Variants in USP9X observed in about 807,000 individuals in gnomAD.
The protein encoded by USP9X is ubiquitin carboxyl-terminal hydrolase 9X.
In USP9X, 7 loss-of-function variants were observed where a neutral mutation model predicts 190.3. The ratio of observed to expected loss-of-function variants is 0.04; its 90% confidence interval spans 0.02 to 0.07. The LOEUF (loss-of-function observed/expected upper bound fraction) is 0.07. Among genes scored for constraint, USP9X ranks in the 10% least tolerant of loss-of-function variants. The pLI is 1.00. For synonymous variants in USP9X, 645 were observed against 659.5 expected (o/e 0.98, Z 0.34); for missense variants, 1,010 against 1,916.9 (o/e 0.53, Z 8.83).
At position 41,184,317 on chromosome X, in the gene USP9X, C is replaced by T. The variant is rs550519497; in HGVS notation, c.3280-80C>T. 1.2e-5 allele frequency: 13 copies of T among 1,082,041 alleles called. No homozygotes were observed. The South Asian group carries it at 1.6e-4, about 13-fold the overall frequency. 89.2% of individuals were successfully genotyped at this position (1,082,041 alleles called of 1,213,427 possible). On this transcript the variant is annotated intron_variant, in intron 22 of 44. Coordinates refer to ENST00000378308, the MANE Select transcript of USP9X (RefSeq NM_001039591.3). ...TGAGATGGTCAAGAGTTTCTTGGCA[C>T]TGACAATAGTACAAATAGAAGTTAT...
chrX:41,210,469 AATGTTAC>A (rs1192357836), intron 32 of USP9X, 33 bp from the exon 33 acceptor site: 15 of 1,180,955 alleles, frequency 1.3e-5, no homozygotes, highest in African/African-American at 5.3e-5. Flanking sequence ...TTGTTCTGTG[AATGTTAC>A]ATGTTACATG....
chrX:41,109,368 T>C (rs73624959), intron 1 of USP9X, among the ~76,000 whole-genome samples: 1,379 of 112,256 alleles, frequency 0.012, 9 homozygotes, highest in African/African-American at 0.033. Flanking sequence ...GAAAAGATGC[T>C]GAAGTTTATA....
At position 41,161,329 on chromosome X, in the gene USP9X, CTTTT is replaced by C. The variant is rs1158519140; in HGVS notation, c.1898-1437_1898-1434del. ...GTAAAGAGTATAAGAGAATTCTTGC[CTTTT>C]TTTTTTTTTTTTTTTTTTTTTTTGG... On this transcript the variant is annotated intron_variant, in intron 14 of 44. Coordinates refer to ENST00000378308, the MANE Select transcript of USP9X (RefSeq NM_001039591.3). Among the ~76,000 whole-genome samples the C allele has an allele frequency of 7.9e-3, 255 of 32,415 alleles. 1 individual carries two copies. The highest frequency in any genetic ancestry group is 0.037 in the African/African-American group (243 of 6,596). The allele number at this position is 32,415 out of a possible 115,157, so 28.1% of individuals were successfully genotyped here.
chrX:41,159,251 A>G (rs969582464), intron 14 of USP9X, among the ~76,000 whole-genome samples: 1 of 112,007 alleles, frequency 8.9e-6, no homozygotes, highest in Non-Finnish European at 1.9e-5. Flanking sequence ...CCACAGTGAG[A>G]TAATGCTACT....
intron 34 of USP9X, among the ~76,000 whole-genome samples, chrX:41,215,681 A>G (rs991820645): frequency 2.7e-5 from 3 of 112,716 alleles, no homozygotes; most frequent in Non-Finnish European, 5.6e-5. Flanking sequence ...CTAGATAACA[A>G]TGACAGAAAC....
At chrX:41,116,141 T>C (rs2062146396) in intron 1 of USP9X, among the ~76,000 whole-genome samples, 1 of 112,163 alleles carries the variant, frequency 8.9e-6, no homozygotes. Context: ...TGTTGTGTGT[T>C]GTAGAGGCAA....
chrX:41,090,752 G>GT (rs1222831275), intron 1 of USP9X, among the ~76,000 whole-genome samples: 1 of 111,540 alleles, frequency 9.0e-6, no homozygotes, highest in Non-Finnish European at 1.9e-5. Context: ...CAGTACTCTT[G>GT]TTTGAGTTTC....
chrX:41,144,408 A>G, intron 10 of USP9X, 114 bp from the exon 11 acceptor site: 2 of 599,680 alleles, frequency 3.3e-6, no homozygotes, highest in Non-Finnish European at 5.5e-6. Context: ...CTTGTGTTAC[A>G]TAGTTAAATG....
At position 41,234,565 on chromosome X, in the gene USP9X, G is replaced by A. The variant is rs1221109162; in HGVS notation, c.*2041G>A. 9.0e-6 allele frequency: 1 copy of A among 111,345 alleles called. No homozygotes were observed. The highest frequency in any genetic ancestry group is 1.9e-5 in the Non-Finnish European group (1 of 52,976). The allele number at this position is 111,345 out of a possible 1,213,427, so 9.2% of individuals were successfully genotyped here. On this transcript the variant is annotated 3_prime_UTR_variant, in exon 45 of 45. Coordinates refer to ENST00000378308, the MANE Select transcript of USP9X (RefSeq NM_001039591.3). The stretch of plus-strand genomic sequence containing the variant: ...ATTTTTGTTTTGTTTTTATTTTTTT[G>A]TTGTTTTCTTCTTTGAGATGGAGTC...
At position 41,134,803 on chromosome X, in the gene USP9X, A is replaced by T; in HGVS notation, c.401A>T (p.Asp134Val). 8.3e-7 allele frequency: 1 copy of T among 1,210,668 alleles called. No homozygotes were observed. The stretch of plus-strand genomic sequence containing the variant: ...ATATCATTCACTAAAATTCTTACAG[A>T]TGAAGCAGTGAGTGGCTGGAAGTTT... Reference protein sequence around the residue: ...LTISFTKILTDEAVSGWKFEI... With the variant: ...LTISFTKILTVEAVSGWKFEI... Residue 134 changes from aspartate (D) to valine (V), a missense_variant, in exon 5 of 45, where the codon GAT becomes GTT. Physicochemically the swap from Asp to Val is radical, Grantham distance 152. Transcript: ENST00000378308.
rs1231086413 is a variant in USP9X, at chrX:41,197,500, A to G, written c.4370A>G (p.Asn1457Ser). The part of the protein sequence containing the change: ...FHIGCEKGGA[N>S]LIKELIDDFI... ...ATTGGTTGTGAAAAAGGAGGTGCTA[A>G]TCTCATTAAAGTAAGTTCTGTGTTC... The change falls in exon 29 of 45, where the codon AAT becomes AGT. Residue 1457 changes from asparagine (N) to serine (S), a missense_variant. By Grantham distance (46) the Asn-to-Ser change is conservative (BLOSUM62 1). Around this residue, in one of 11 missense-constraint regions of USP9X, gnomAD observed 351 missense variants for 480.8 expected, o/e 0.73. Coordinates refer to ENST00000378308, the MANE Select transcript of USP9X (RefSeq NM_001039591.3). 8.3e-7 allele frequency: 1 copy of G among 1,207,162 alleles called. No individual in the cohort carries two copies. The highest frequency in any genetic ancestry group is 1.8e-5 in the African/African-American group (1 of 56,873).
At chrX:41,114,518 TCA>T (rs1231271152) in intron 1 of USP9X, among the ~76,000 whole-genome samples, 1 of 105,271 alleles carries the variant, frequency 9.5e-6, no homozygotes, top group African/African-American at 3.5e-5. Context: ...TCTCACTCTG[TCA>T]CCCAGGCTAG....
intron 13 of USP9X, 100 bp downstream of exon 13, chrX:41,151,157 T>G: frequency 1.2e-6 from 1 of 861,311 alleles, no homozygotes. Flanking sequence ...TTTAAATTAG[T>G]GGAGTGAGAA....
intron 25 of USP9X, among the ~76,000 whole-genome samples, chrX:41,188,689 C>T (rs2062904561): frequency 9.0e-6 from 1 of 111,639 alleles, no homozygotes; most frequent in African/African-American, 3.3e-5. Context: ...TTTACATGGC[C>T]AACATCACCC....
intron 1 of USP9X, among the ~76,000 whole-genome samples, chrX:41,103,788 T>C (rs112998779): frequency 0.19 from 21,368 of 110,999 alleles, 1,589 homozygotes; most frequent in Admixed American, 0.27. Context: ...ATATTATTGC[T>C]GGAAACCTAG....
chrX:41,210,068 T>C (rs913146215), intron 32 of USP9X, among the ~76,000 whole-genome samples: 5 of 112,326 alleles, frequency 4.5e-5, no homozygotes, highest in Admixed American at 9.4e-5. Context: ...AGATCTGATC[T>C]TTTTACTATT....
intron 9 of USP9X, among the ~76,000 whole-genome samples, chrX:41,141,869 G>A (rs745874859): frequency 1.3e-4 from 14 of 111,788 alleles, no homozygotes; most frequent in Admixed American, 4.7e-4. Flanking sequence ...GTTTTATCAC[G>A]ATTTTGAGAA....
Position 41,170,052 on chromosome X carries a change from G to A in USP9X, c.2694G>A (p.Gln898=). The change falls in exon 19 of 45, where the codon CAG becomes CAA. Residue 898 remains glutamine (Q), a synonymous_variant. Transcript: ENST00000378308. ...TTCGATTTCCAAACCAGGGCAGACA[G>A]GTTGATGACTTGGAGGTATGGTCTC... ...FVVRFPNQGR[Q]VDDLEVWSHT... 1 of 1,211,568 alleles carries A rather than the reference G, an allele frequency of 8.3e-7. No homozygotes were observed. The highest frequency in any genetic ancestry group is 1.1e-6 in the Non-Finnish European group (1 of 895,346).
chrX:41,137,505 A>G (rs1407824301), intron 6 of USP9X, among the ~76,000 whole-genome samples: 1 of 111,732 alleles, frequency 8.9e-6, no homozygotes, highest in African/African-American at 3.2e-5. Flanking sequence ...AGTTTTCTAT[A>G]TTGGTGTAAA....
Sources: allele counts gnomAD v4.1 joint callset (sites outside exome capture counted in the v4.1 genomes callset), GRCh38; gene constraint gnomAD v4.1.1; regional missense constraint gnomAD v4.1.1; transcripts MANE v1.5; gene names NCBI Gene and HGNC (gene_info 2026-07-23, HGNC 2026-07-21).